Variants in BTK observed in about 807,000 individuals in gnomAD.
BTK encodes Bruton tyrosine kinase, also known as tyrosine-protein kinase BTK.
A neutral mutation model predicts 57.4 loss-of-function variants in BTK; 5 were observed. The observed-to-expected ratio is 0.09, with a 90% CI of 0.05 to 0.18. The LOEUF (loss-of-function observed/expected upper bound fraction) is 0.18. BTK is among the 10% of genes least tolerant of loss of function. The pLI, the probability that BTK is intolerant of heterozygous loss-of-function variation, is 1.00. For synonymous variants in BTK, 154 were observed against 174.3 expected, an observed-to-expected ratio of 0.88 and a Z score of 0.92; for missense variants, 194 against 501.2, an observed-to-expected ratio of 0.39 and a Z score of 5.85.
intron 12 of BTK, 47 bp from the exon 13 acceptor site, chrX:101,357,630 G>T: frequency 5.8e-6 from 6 of 1,037,814 alleles, no homozygotes; most frequent in Non-Finnish European, 8.1e-6. Context: ...GTAGGAGGTG[G>T]GATGCCTCAC....
rs1927167257 is a variant in BTK at position 101,375,181 on chromosome X, T to C, written c.104A>G (p.His35Arg). The change falls in exon 2 of 19, where the codon CAC (histidine) becomes CGC (arginine). Residue 35 changes from histidine (H) to arginine (R), a missense_variant. Transcript: ENST00000308731. ...FKKRLFLLTV[H>R]KLSYYEYDFE... ...GTCATACTCATAGTAGGAGAGTTTG[T>C]GCACGGTCAAGAGAAACAGGCGCTT... The C allele has an allele frequency of 3.3e-6, 4 of 1,211,819 alleles. No individual in the cohort carries two copies. The South Asian group carries it at 7.0e-5, about 21-fold the overall frequency.
intron 1 of BTK, among the ~76,000 whole-genome samples, chrX:101,382,460 T>G (rs1555981908): frequency 9.0e-6 from 1 of 110,708 alleles, no homozygotes. Flanking sequence ...CTGAGTAGCT[T>G]GGACTACAGC....
At chrX:101,381,319 C>T (rs1350783137) in intron 1 of BTK, among the ~76,000 whole-genome samples, 1 of 111,704 alleles carries the variant, frequency 9.0e-6, no homozygotes, top group Non-Finnish European at 1.9e-5. Context: ...AACTGGCAAA[C>T]CTAGGTCCAG....
At chrX:101,373,779 C>T (rs925807929) in intron 3 of BTK, among the ~76,000 whole-genome samples, 11 of 111,900 alleles carry the variant, frequency 9.8e-5, no homozygotes, top group East Asian at 5.6e-4. Context: ...GGGTGGCTCA[C>T]GCCTGTAATC....
chrX:101,361,586 A>G (rs892727271), intron 7 of BTK, among the ~76,000 whole-genome samples: 3 of 111,025 alleles, frequency 2.7e-5, no homozygotes, highest in African/African-American at 6.6e-5. Flanking sequence ...TGTTGGTATT[A>G]AGTGTTAAAT....
chrX:101,376,438 G>A (rs1312320882), intron 1 of BTK, among the ~76,000 whole-genome samples: 2 of 111,471 alleles, frequency 1.8e-5, no homozygotes, highest in Non-Finnish European at 3.8e-5. Flanking sequence ...GACCAACCTG[G>A]CCAACATGGC....
chrX:101,366,739 T>C (rs781987038), intron 5 of BTK, among the ~76,000 whole-genome samples: 2 of 103,163 alleles, frequency 1.9e-5, no homozygotes, highest in South Asian at 8.3e-4. Context: ...GTGGAACTAC[T>C]GGGAAAAAAA....
At chrX:101,364,178 G>A (rs782811816) in intron 5 of BTK, among the ~76,000 whole-genome samples, 1 of 108,989 alleles carries the variant, frequency 9.2e-6, no homozygotes, top group South Asian at 4.0e-4. Context: ...GGAGGCAGAG[G>A]CGGGTAGATC....
intron 3 of BTK, among the ~76,000 whole-genome samples, chrX:101,373,327 G>T (rs1427681513): frequency 1.8e-5 from 2 of 112,123 alleles, no homozygotes; most frequent in Admixed American, 9.5e-5. Context: ...ATGCAAGATT[G>T]TTCCTCTCAA....
chrX:101,355,964 G>T, intron 15 of BTK, 88 bp downstream of exon 15: 1 of 951,183 alleles, frequency 1.1e-6, no homozygotes, highest in Non-Finnish European at 1.5e-6. Context: ...GGCACCAGCA[G>T]CCCCCCTCAA....
intron 16 of BTK, 128 bp from the exon 17 acceptor site, chrX:101,354,116 A>G: frequency 1.9e-6 from 1 of 538,141 alleles, no homozygotes; most frequent in East Asian, 3.3e-5. Flanking sequence ...CTCCTCAACT[A>G]GTATCTTCTA....
In BTK at chrX:101,360,480, A is replaced by G. The variant is rs1603008196; in HGVS notation, c.776+88T>C. The stretch of plus-strand genomic sequence containing the variant: ...GTGGGAAGAACAGTCTCTGATGAGG[A>G]TGCTGATCACGGGAATTATGCCGCA... On this transcript the variant is annotated intron_variant, in intron 8 of 18. Transcript: ENST00000308731. 6.1e-6 allele frequency: 6 copies of G among 980,605 alleles called. No homozygotes were observed. In the South Asian group the frequency reaches 9.7e-5, roughly 16 times the overall value. The allele number at this position is 980,605 out of a possible 1,213,427, so 80.8% of individuals were successfully genotyped here. A position where few individuals can be genotyped will look rare whatever the true frequency, so the allele number is the denominator to read the frequency against.
At chrX:101,358,136 G>T in intron 12 of BTK, 174 bp downstream of exon 12, 1 of 666,218 alleles carries the variant, frequency 1.5e-6, no homozygotes. Flanking sequence ...GTCCCTGTTG[G>T]GTGTAGGTCT....
At chrX:101,372,849 C>T (rs1400903965) in intron 3 of BTK, among the ~76,000 whole-genome samples, 2 of 106,875 alleles carry the variant, frequency 1.9e-5, no homozygotes, top group African/African-American at 3.4e-5. Context: ...TTTGGGAGGC[C>T]GAGGTGGGAG....
intron 7 of BTK, 30 bp downstream of exon 7, chrX:101,362,143 G>A (rs2147434776): frequency 8.4e-7 from 1 of 1,196,787 alleles, no homozygotes. Context: ...TTCCATTTAA[G>A]CAGTGGCAGC....
chrX:101,376,690 C>T (rs954208765), intron 1 of BTK, among the ~76,000 whole-genome samples: 7 of 110,056 alleles, frequency 6.4e-5, no homozygotes, highest in African/African-American at 2.0e-4. Context: ...AACCACCAGC[C>T]CTCCATTCAA....
upstream of BTK, among the ~76,000 whole-genome samples, chrX:101,390,053 C>T (rs1425784130): frequency 8.9e-6 from 1 of 111,760 alleles, no homozygotes; most frequent in Non-Finnish European, 1.9e-5. Context: ...GGTTTGTATC[C>T]TAGATTCACT....
Position 101,357,507 on chromosome X carries a change from A to G in BTK, c.1177+2T>C. On this transcript the variant is annotated splice_donor_variant, in intron 13 of 18. Transcript: ENST00000308731. LOFTEE classifies it high-confidence loss of function. ...CCCTACCCCAGAGAAATAAGGAGTTACCGTATCCCAGGCCTGCAGTGGAAG... is the reference window on the plus strand; with the variant it reads ...CCCTACCCCAGAGAAATAAGGAGTTGCCGTATCCCAGGCCTGCAGTGGAAG... 8.3e-7 allele frequency: 1 copy of G among 1,208,976 alleles called. No individual in the cohort carries two copies. The highest frequency in any genetic ancestry group is 1.1e-6 in the Non-Finnish European group (1 of 893,223).
rs1251478836 is a variant in BTK at position 101,370,624 on chromosome X, C to T, written c.310-545G>A. 2.7e-5 allele frequency among the ~76,000 whole-genome samples: 3 copies of T among 111,590 alleles called. No homozygotes were observed. In the Admixed American group the frequency reaches 2.9e-4, roughly 11 times the overall value. ...AATCAAATTTGGAACTACAAACCTA[C>T]TTCAAAAAGGGTAAGGTATATAATA... On this transcript the variant is annotated intron_variant, in intron 4 of 18. Transcript: ENST00000308731.
Sources: allele counts gnomAD v4.1 joint callset (sites outside exome capture counted in the v4.1 genomes callset), GRCh38; gene constraint gnomAD v4.1.1; transcripts MANE v1.5; gene names NCBI Gene and HGNC (gene_info 2026-07-23, HGNC 2026-07-21).